FRMD8: variants seen among roughly 807,000 people sequenced by gnomAD.
FRMD8 encodes FERM domain containing 8.
FRMD8 carries 37 observed loss-of-function variants against 54.2 expected under a neutral mutation model. That is an observed-to-expected ratio of 0.68 (90% CI 0.53 to 0.90). The LOEUF (loss-of-function observed/expected upper bound fraction) is 0.90. FRMD8 is among the 40% of genes least tolerant of loss of function. FRMD8 has a pLI of 0.00. For missense variants in FRMD8, 585 were observed against 653.7 expected (o/e 0.89, Z 1.15); for synonymous variants, 246 against 286.9 (o/e 0.86, Z 1.44).
upstream of FRMD8, among the ~76,000 whole-genome samples, chr11:65,386,206 G>T (rs1231542399): frequency 6.6e-6 from 1 of 152,196 alleles, no homozygotes; most frequent in African/African-American, 2.4e-5. Flanking sequence ...AGAGGAGAAG[G>T]GACTTGTCCA....
intron 3 of FRMD8, among the ~76,000 whole-genome samples, chr11:65,389,909 C>T (rs187097418): frequency 6.6e-6 from 1 of 152,190 alleles, no homozygotes; most frequent in African/African-American, 2.4e-5. Context: ...GTCCTCAGGC[C>T]TAGGCCAGTC....
intron 4 of FRMD8, 99 bp downstream of exon 4, chr11:65,393,773 G>C: frequency 9.6e-7 from 1 of 1,040,902 alleles, no homozygotes; most frequent in Non-Finnish European, 1.4e-6. Context: ...GAGCTGCCCT[G>C]GCTGAGGGGC....
chr11:65,380,411 T>G, the FRMD8 span: 1 of 935,986 alleles, frequency 1.1e-6, no homozygotes, highest in South Asian at 1.6e-5. Context: ...AGGCCCCACC[T>G]GAGGATGCAC....
intron 2 of FRMD8, 39 bp downstream of exon 2, chr11:65,387,160 G>T (rs1395788408): frequency 6.5e-7 from 1 of 1,526,828 alleles, no homozygotes; most frequent in South Asian, 1.1e-5. Flanking sequence ...CACCCTCCTG[G>T]GACCCCAGCC....
the FRMD8 span, chr11:65,376,950 G>T: frequency 7.2e-5 from 116 of 1,612,908 alleles, no homozygotes; most frequent in Admixed American, 1.9e-3. Flanking sequence ...CCCTCCTCCC[G>T]GAAGATGGAG....
intron 2 of FRMD8, among the ~76,000 whole-genome samples, chr11:65,387,624 C>T (rs180839780): frequency 0.031 from 4,682 of 152,190 alleles, 278 homozygotes; most frequent in African/African-American, 0.11. Flanking sequence ...CTGCAAGCCC[C>T]GCCTTCGGGG....
intron 2 of FRMD8, among the ~76,000 whole-genome samples, chr11:65,388,881 C>T (rs1300461132): frequency 6.6e-6 from 1 of 152,228 alleles, no homozygotes; most frequent in African/African-American, 2.4e-5. Context: ...CCAGCTCTCG[C>T]TCCTGCCAGC....
At chr11:65,408,225 C>G (rs929598062) in intron 10 of FRMD8, among the ~76,000 whole-genome samples, 2 of 151,870 alleles carry the variant, frequency 1.3e-5, no homozygotes, top group African/African-American at 4.8e-5. Context: ...CAGGCTTGCA[C>G]CACCACGCCC....
upstream of FRMD8, chr11:65,382,360 A>G (rs895541516): frequency 2.2e-5 from 5 of 223,330 alleles, no homozygotes; most frequent in Non-Finnish European, 4.6e-5. The surrounding 1 kb of genome is among the most constrained non-coding windows in gnomAD (Gnocchi z 4.4). Context: ...ACCAAGGGGC[A>G]TGGCCGCCCC....
At chr11:65,369,564 A>G in the FRMD8 span, among the ~76,000 whole-genome samples, 2 of 150,776 alleles carry the variant, frequency 1.3e-5, no homozygotes, top group Non-Finnish European at 2.9e-5. Flanking sequence ...CCCTGTCTCT[A>G]CTAAAAATAC....
In FRMD8 at chr11:65,394,293, A is replaced by G; in HGVS notation, c.449A>G (p.Glu150Gly). The G allele has an allele frequency of 6.3e-7, 1 of 1,595,842 alleles. No homozygotes were observed. The highest frequency in any genetic ancestry group is 8.5e-7 in the Non-Finnish European group (1 of 1,171,566). ...GAGGAGGTCCTGCGGCTGCTCTATG[A>G]GGAGGCCAAGGGCAACGTGCTGGCT... ...HDEEVLRLLY[E>G]EAKGNVLAAR... is the part of the protein sequence containing the mutation. The change falls in exon 6 of 11, where the codon GAG (glutamate) becomes GGG (glycine). Residue 150 changes from glutamate to glycine, a missense_variant. Coordinates refer to ENST00000317568, the MANE Select transcript of FRMD8 (RefSeq NM_031904.5).
chr11:65,400,842 A>C lies in FRMD8; in HGVS notation c.1046A>C (p.Lys349Thr). The C allele has an allele frequency of 6.2e-7, 1 of 1,611,704 alleles. No individual in the cohort carries two copies. Among genetic ancestry groups the C allele is most frequent in the Non-Finnish European group, 8.5e-7 (1 of 1,179,014 alleles). Reference protein sequence around the residue: ...DGDSEGTPVNKLLKIYSKQAE... With the variant: ...DGDSEGTPVNTLLKIYSKQAE... The stretch of plus-strand genomic sequence containing the variant: ...GACAGCGAGGGCACACCTGTCAACA[A>C]GCTCCTCAAGATCTACTCCAAGCAG... The change falls in exon 9 of 11, where the codon AAG becomes ACG. Residue 349 changes from lysine (K) to threonine (T), a missense_variant. Transcript: ENST00000317568. The surrounding 1 kb of genome is among the most constrained non-coding windows in gnomAD (Gnocchi z 4.3).
intron 6 of FRMD8, among the ~76,000 whole-genome samples, chr11:65,395,653 CCT>C (rs1855939190): frequency 6.6e-6 from 1 of 152,246 alleles, no homozygotes; most frequent in Non-Finnish European, 1.5e-5. Flanking sequence ...TATGCCAGGG[CCT>C]CTCCTCCTTC....
At chr11:65,411,197 C>A (rs754890512) in intron 10 of FRMD8, 45 bp from the exon 11 acceptor site, 4 of 1,491,320 alleles carry the variant, frequency 2.7e-6, no homozygotes, top group Non-Finnish European at 3.7e-6. Context: ...CCCCCTCACA[C>A]AGGGACAGCG....
At chr11:65,379,415 C>T in the FRMD8 span, 3 of 1,612,844 alleles carry the variant, frequency 1.9e-6, no homozygotes, top group Non-Finnish European at 2.5e-6. Context: ...GGAAGATGTG[C>T]ATGTAGCTGG....
chr11:65,369,360 C>T, the FRMD8 span, among the ~76,000 whole-genome samples: 180 of 149,268 alleles, frequency 1.2e-3, 1 homozygote, highest in African/African-American at 4.2e-3. Context: ...CGAGGCAAGA[C>T]GATCACTTAA....
At position 65,399,807 on chromosome 11, in the gene FRMD8, T is replaced by C; in HGVS notation, c.875T>C (p.Val292Ala). 1 of 1,614,022 alleles carries C rather than the reference T, an allele frequency of 6.2e-7. No individual in the cohort carries two copies. The highest frequency in any genetic ancestry group is 8.5e-7 in the Non-Finnish European group (1 of 1,179,962). Reference protein sequence around the residue: ...GFLHRGGRKPVSVAISLEGVH... With the variant: ...GFLHRGGRKPASVAISLEGVH... ...TTGCACCGGGGTGGGCGCAAGCCAG[T>C]TTCTGTGGCCATCAGTCTGGAAGGC... The change falls in exon 8 of 11, where the codon GTT becomes GCT. Residue 292 changes from valine to alanine, a missense_variant. By Grantham distance (64) the Val-to-Ala change is moderately conservative. Coordinates refer to ENST00000317568, the MANE Select transcript of FRMD8 (RefSeq NM_031904.5).
At chr11:65,391,221 G>A (rs1199699561) in intron 3 of FRMD8, among the ~76,000 whole-genome samples, 1 of 152,252 alleles carries the variant, frequency 6.6e-6, no homozygotes, top group Non-Finnish European at 1.5e-5. Flanking sequence ...CATTTGGATA[G>A]CAGCCTCCAG....
In FRMD8 at chr11:65,393,929, G is replaced by A. The variant is rs1590650327; in HGVS notation, c.356-112G>A. On this transcript the variant is annotated intron_variant, in intron 4 of 10. Transcript: ENST00000317568. ...CACTCCACCCTCTGCACGGCCCTCCGGTTTTCTCAGCCCTGGTGGGTGAGG... is the reference window on the plus strand; with the variant it reads ...CACTCCACCCTCTGCACGGCCCTCCAGTTTTCTCAGCCCTGGTGGGTGAGG... 1.4e-5 allele frequency: 16 copies of A among 1,170,370 alleles called. No individual in the cohort carries two copies. In the East Asian group the frequency reaches 2.5e-4, roughly 18 times the overall value. 72.5% of individuals were successfully genotyped at this position (1,170,370 alleles called of 1,614,324 possible). A position where few individuals can be genotyped will look rare whatever the true frequency, so the allele number is the denominator to read the frequency against.
Sources: gnomAD v4.1 joint callset for allele counts (sites outside exome capture counted in the v4.1 genomes callset) on GRCh38, gnomAD v4.1.1 for gene constraint, Gnocchi (gnomAD v3.1) non-coding constraint, MANE v1.5 for transcripts, NCBI Gene and HGNC (gene_info 2026-07-23, HGNC 2026-07-21) for gene names.